The following IFT22 variants were observed in gnomAD, a reference collection of about 807,000 sequenced individuals.
IFT22 encodes intraflagellar transport 22, also known as intraflagellar transport protein 22 homolog.
Under a neutral mutation model 21.0 loss-of-function variants are expected in IFT22, and 13 were observed. The ratio of observed to expected loss-of-function variants is 0.62; its 90% CI spans 0.40 to 0.98. IFT22 has a LOEUF of 0.98. Ranked by LOEUF, IFT22 falls within the 50% of genes least tolerant of loss-of-function variation. The pLI is 0.00. For synonymous variants in IFT22, 67 were observed against 82.4 expected, an observed-to-expected ratio of 0.81 and a Z score of 1.01; for missense variants, 227 against 228.9, an observed-to-expected ratio of 0.99 and a Z score of 0.06.
chr7:101,318,301 C>T, intron 2 of IFT22, 88 bp from the exon 3 acceptor site: 1 of 951,576 alleles, frequency 1.1e-6, no homozygotes, highest in African/African-American at 1.6e-5. Context: ...GGGCAGATCA[C>T]TTGAGGTCAG....
At chr7:101,320,757 C>T (rs1363456451) in intron 1 of IFT22, among the ~76,000 whole-genome samples, 2 of 152,112 alleles carry the variant, frequency 1.3e-5, no homozygotes, top group Admixed American at 6.6e-5. Context: ...AATCCCAGAA[C>T]TTTGAGAGAC....
rs1043635883 is a variant in IFT22, at chr7:101,320,558, C to T, written c.39+1113G>A. Among the ~76,000 whole-genome samples, 105 of 101,626 alleles carry T rather than the reference C, an allele frequency of 1.0e-3. 2 individuals carry two copies. Among genetic ancestry groups the T allele is most frequent in the Non-Finnish European group, 1.4e-3 (69 of 48,590 alleles). 66.7% of individuals were successfully genotyped at this position (101,626 alleles called of 152,430 possible). On this transcript the variant is annotated intron_variant, in intron 1 of 4. Coordinates refer to ENST00000315322, the MANE Select transcript of IFT22 (RefSeq NM_022777.4). ...ACAGGCGTGAGCCACCGCGCCCGGCCTTTTTTTTTTTTTTTTTTTTTTAAA... is the reference window on the plus strand; with the variant it reads ...ACAGGCGTGAGCCACCGCGCCCGGCTTTTTTTTTTTTTTTTTTTTTTTAAA...
intron 1 of IFT22, 66 bp from the exon 2 acceptor site, chr7:101,319,098 C>A: frequency 6.5e-7 from 1 of 1,542,914 alleles, no homozygotes; most frequent in African/African-American, 1.4e-5. Flanking sequence ...AAAAATGACC[C>A]CAAGAGGTGG....
At chr7:101,319,506 A>C (rs1365656150) in intron 1 of IFT22, among the ~76,000 whole-genome samples, 1 of 152,078 alleles carries the variant, frequency 6.6e-6, no homozygotes, top group Non-Finnish European at 1.5e-5. Flanking sequence ...TATAGGGATG[A>C]GCCACTGTGC....
At chr7:101,318,471 G>C in intron 2 of IFT22, 2 of 350,262 alleles carry the variant, frequency 5.7e-6, no homozygotes, top group South Asian at 3.0e-5. Context: ...AGTGAGCTGA[G>C]ATCGTGCCAC....
At chr7:101,316,605 T>TA (rs1790161938) in intron 3 of IFT22, 63 bp from the exon 4 acceptor site, 4 of 1,526,646 alleles carry the variant, frequency 2.6e-6, no homozygotes, top group Non-Finnish European at 3.6e-6. Context: ...CTGTGGACTT[T>TA]AAAAAGAATA....
Position 101,312,471 on chromosome 7 carries a change from C to G in IFT22, c.*2663G>C, listed in dbSNP as rs1790003916. Among the ~76,000 whole-genome samples, 1 of 151,436 alleles carries G rather than the reference C, an allele frequency of 6.6e-6. No individual in the cohort carries two copies. Among genetic ancestry groups the G allele is most frequent in the Non-Finnish European group, 1.5e-5 (1 of 67,956 alleles). On this transcript the variant is annotated 3_prime_UTR_variant, in exon 5 of 5. Transcript: ENST00000315322. ...AAAAATTGTGTCTGTACTCCACTTTCCAACTGGATATAGTGTCCATATCAA... is the reference window on the plus strand; with the variant it reads ...AAAAATTGTGTCTGTACTCCACTTTGCAACTGGATATAGTGTCCATATCAA...
At chr7:101,319,641 C>CTTTT (rs11443697) in intron 1 of IFT22, among the ~76,000 whole-genome samples, 8 of 111,758 alleles carry the variant, frequency 7.2e-5, no homozygotes, top group East Asian at 2.8e-4. Flanking sequence ...ATACACATTG[C>CTTTT]TTTTTTTTTT....
chr7:101,316,298 A>G (rs765017285), intron 4 of IFT22, 42 bp downstream of exon 4: 8 of 1,596,936 alleles, frequency 5.0e-6, no homozygotes, highest in Middle Eastern at 1.7e-4. Flanking sequence ...GGTGTCCAAA[A>G]CATTCAAGAC....
chr7:101,316,399 C>T lies in IFT22; in HGVS notation c.350G>A (p.Cys117Tyr), dbSNP rs1790151131. 2 of 1,614,142 alleles carry T rather than the reference C, an allele frequency of 1.2e-6. No individual in the cohort carries two copies. Among genetic ancestry groups the T allele is most frequent in the Non-Finnish European group, 1.7e-6 (2 of 1,180,032 alleles). The change falls in exon 4 of 5, where the codon TGT becomes TAT. Residue 117 changes from cysteine to tyrosine, a missense_variant. Coordinates refer to ENST00000315322, the MANE Select transcript of IFT22 (RefSeq NM_022777.4). ...VQQPSLQDTQ[C>Y]MLIAHHKPGS... The stretch of plus-strand genomic sequence containing the variant: ...TGGTTTGTGGTGTGCAATTAGCATA[C>T]ACTGTGTGTCCTGTAAGGACGGCTG...
In IFT22 at chr7:101,310,972, CA is replaced by C; in HGVS notation, c.*4161del. 3.6e-6 allele frequency: 1 copy of C among 279,406 alleles called. No homozygotes were observed. The highest frequency in any genetic ancestry group is 3.4e-5 in the South Asian group (1 of 29,650). The allele number at this position is 279,406 out of a possible 1,614,324, so 17.3% of individuals were successfully genotyped here. A position where few individuals can be genotyped will look rare whatever the true frequency, so the allele number is the denominator to read the frequency against. On this transcript the variant is annotated 3_prime_UTR_variant, in exon 5 of 5. Coordinates refer to ENST00000315322, the MANE Select transcript of IFT22 (RefSeq NM_022777.4). ...GTTGTACTCTGGCCATTCAGGTGAA[CA>C]AAATCTGCTGGGTTAATTTTTTTTT...
At chr7:101,318,539 T>C (rs1790233507) in intron 2 of IFT22, 1 of 273,604 alleles carries the variant, frequency 3.7e-6, no homozygotes. Flanking sequence ...AGACGAACAG[T>C]AGCAGCACCA....
Position 101,311,955 on chromosome 7 carries a change from ACT to A in IFT22, c.*3177_*3178del, listed in dbSNP as rs1410271650. On this transcript the variant is annotated 3_prime_UTR_variant, in exon 5 of 5. Transcript: ENST00000315322. ...CCCGGAGGGTGGAGATTGCAGTGAG[ACT>A]CTCAAAAAAACAAAACAACACAAAA... is the stretch of plus-strand genomic sequence containing the variant. Among the ~76,000 whole-genome samples, 3 of 151,972 alleles carry A rather than the reference ACT, an allele frequency of 2.0e-5. No individual in the cohort carries two copies. The highest frequency in any genetic ancestry group is 4.8e-5 in the African/African-American group (2 of 41,376).
chr7:101,313,190 T>A lies in IFT22; in HGVS notation c.*1944A>T, dbSNP rs369272610. On this transcript the variant is annotated 3_prime_UTR_variant, in exon 5 of 5. Coordinates refer to ENST00000315322, the MANE Select transcript of IFT22 (RefSeq NM_022777.4). ...ACATGAGTAGCTGGTATTACAGGTGTGTGCCAACATGCCTGGCGAATTTTT... is the reference window on the plus strand; with the variant it reads ...ACATGAGTAGCTGGTATTACAGGTGAGTGCCAACATGCCTGGCGAATTTTT... Among the ~76,000 whole-genome samples the A allele has an allele frequency of 6.6e-6, 1 of 152,126 alleles. No homozygotes were observed. Among genetic ancestry groups the A allele is most frequent in the African/African-American group, 2.4e-5 (1 of 41,420 alleles).
Position 101,314,139 on chromosome 7 carries a change from G to A in IFT22, c.*995C>T, listed in dbSNP as rs1471442301. The A allele has an allele frequency of 1.3e-5, 2 of 151,474 alleles. No homozygotes were observed. Among genetic ancestry groups the A allele is most frequent in the African/African-American group, 4.9e-5 (2 of 41,138 alleles). The allele number at this position is 151,474 out of a possible 1,614,324, so 9.4% of individuals were successfully genotyped here. Reference sequence around the variant, plus strand: ...CCCAAAGTGCTGGGATTACAAGTGTGAGCCACCGCTCCTGGGCTAGAACTC... The same window carrying A: ...CCCAAAGTGCTGGGATTACAAGTGTAAGCCACCGCTCCTGGGCTAGAACTC... On this transcript the variant is annotated 3_prime_UTR_variant, in exon 5 of 5. Transcript: ENST00000315322.
intron 3 of IFT22, among the ~76,000 whole-genome samples, chr7:101,317,322 T>A (rs1242849517): frequency 6.6e-6 from 1 of 152,126 alleles, no homozygotes; most frequent in Non-Finnish European, 1.5e-5. Context: ...CTAAGTTTTG[T>A]ATTTTTAGTA....
At chr7:101,318,496 A>G (rs1790231509) in intron 2 of IFT22, 1 of 314,404 alleles carries the variant, frequency 3.2e-6, no homozygotes, top group Non-Finnish European at 6.0e-6. Flanking sequence ...CTCCAGCCTC[A>G]GCGACAGGAC....
chr7:101,316,725 A>C (rs34579827), intron 3 of IFT22, among the ~76,000 whole-genome samples, 183 bp from the exon 4 acceptor site: 23,326 of 151,974 alleles, frequency 0.15, 1,881 homozygotes, highest in South Asian at 0.16. Context: ...AGATCGAGAC[A>C]ATCCTGGCTA....
At chr7:101,316,113 C>T (rs1287574567) in intron 4 of IFT22, 3 of 514,920 alleles carry the variant, frequency 5.8e-6, no homozygotes, top group East Asian at 3.3e-5. Context: ...ATTCTCCTGC[C>T]TTAGCCCCCT....
Sources: gnomAD v4.1 joint callset for allele counts (sites outside exome capture counted in the v4.1 genomes callset) on GRCh38, gnomAD v4.1.1 for gene constraint, MANE v1.5 for transcripts, NCBI Gene and HGNC (gene_info 2026-07-23, HGNC 2026-07-21) for gene names.